PARD6G: variants seen among roughly 807,000 people sequenced by gnomAD.
PARD6G encodes par-6 family cell polarity regulator gamma.
A neutral mutation model predicts 10.7 loss-of-function variants in PARD6G; 7 were observed. The observed-to-expected ratio is 0.66, with a 90% CI of 0.37 to 1.23. The LOEUF (loss-of-function observed/expected upper bound fraction) is 1.23, where lower values mean the gene tolerates loss of function less well. PARD6G is among the 50% of genes most tolerant of loss of function. The pLI is 0.02. For synonymous variants in PARD6G, 287 were observed against 269.4 expected (o/e 1.07, Z -0.64); for missense variants, 548 against 571.8 (o/e 0.96, Z 0.42).
In PARD6G at chr18:80,202,821, T is replaced by C. The variant is rs757055161; in HGVS notation, c.184A>G (p.Ile62Val). 9 of 1,613,546 alleles carry C rather than the reference T, an allele frequency of 5.6e-6. No individual in the cohort carries two copies. Among genetic ancestry groups the C allele is most frequent in the Non-Finnish European group, 7.6e-6 (9 of 1,179,710 alleles). ...TCTCCGTGCACATCTGCATAGCCAA[T>C]AGTTACATCACTGTTGGAGATATGG... ...THHISNSDVT[I>V]GYADVHGDLL... Residue 62 changes from isoleucine (I) to valine (V), a missense_variant, in exon 2 of 3, where the codon ATT (isoleucine) becomes GTT (valine). By Grantham distance (29) the Ile-to-Val change is conservative (BLOSUM62 3). Around this residue, in one of 2 missense-constraint regions of PARD6G, gnomAD observed 235 missense variants for 291.9 expected, o/e 0.81. Transcript: ENST00000353265.
chr18:80,207,068 TCAATAAATACTTAACA>T (rs1967061879), intron 1 of PARD6G, among the ~76,000 whole-genome samples: 1 of 137,686 alleles, frequency 7.3e-6, no homozygotes, highest in Non-Finnish European at 1.6e-5. Flanking sequence ...CTAGTGATTA[TCAATAAATACTTAACA>T]GTAAATGAAA....
At chr18:80,165,019 C>G (rs1347671222) in intron 2 of PARD6G, among the ~76,000 whole-genome samples, 1 of 152,220 alleles carries the variant, frequency 6.6e-6, no homozygotes, top group East Asian at 1.9e-4. Context: ...TGATAAGGGT[C>G]TATGTTCAGC....
intron 1 of PARD6G, among the ~76,000 whole-genome samples, chr18:80,222,266 T>A (rs1332217691): frequency 6.6e-6 from 1 of 151,984 alleles, no homozygotes; most frequent in Non-Finnish European, 1.5e-5. Flanking sequence ...TTTTTTTAAT[T>A]TTGTAGAGAT....
chr18:80,157,530 G>A lies in PARD6G; in HGVS notation c.*2241C>T, dbSNP rs2145234528. On this transcript the variant is annotated 3_prime_UTR_variant, in exon 3 of 3. Transcript: ENST00000353265. ...TGATAGCCGACCCAGTTATATAACA[G>A]ACATTCAAGAATCAGCAATAACTTA... 7.0e-6 allele frequency: 1 copy of A among 142,844 alleles called. No homozygotes were observed. Among genetic ancestry groups the A allele is most frequent in the African/African-American group, 2.5e-5 (1 of 40,432 alleles). The allele number at this position is 142,844 out of a possible 1,614,324, so 8.8% of individuals were successfully genotyped here. A position where few individuals can be genotyped will look rare whatever the true frequency, so the allele number is the denominator to read the frequency against.
At chr18:80,242,616 G>A (rs1368033969) in intron 1 of PARD6G, among the ~76,000 whole-genome samples, 1 of 152,178 alleles carries the variant, frequency 6.6e-6, no homozygotes, top group African/African-American at 2.4e-5. Context: ...AATGCCTGGG[G>A]GCAAGGTCAC....
rs1190961957 is a variant in PARD6G at position 80,247,213 on chromosome 18, G to A, written c.72+64C>T. ...CCACGCCGCCCCAGTCCCCCTCCGCGGGGCGCCCCATTCATTAGCCAGGAG... is the reference window on the plus strand; with the variant it reads ...CCACGCCGCCCCAGTCCCCCTCCGCAGGGCGCCCCATTCATTAGCCAGGAG... On this transcript the variant is annotated intron_variant, in intron 1 of 2. Transcript: ENST00000353265. This position sits in a 1 kb window ranked among gnomAD's most constrained non-coding sequence, Gnocchi z 4.2. 5.9e-6 allele frequency: 8 copies of A among 1,355,976 alleles called. No homozygotes were observed. The highest frequency in any genetic ancestry group is 2.8e-5 in the East Asian group (1 of 35,188). The allele number at this position is 1,355,976 out of a possible 1,614,324, so 84.0% of individuals were successfully genotyped here. A position where few individuals can be genotyped will look rare whatever the true frequency, so the allele number is the denominator to read the frequency against.
At position 80,228,231 on chromosome 18, in the gene PARD6G, G is replaced by A. The variant is rs7236181; in HGVS notation, c.72+19046C>T. On this transcript the variant is annotated intron_variant, in intron 1 of 2. Transcript: ENST00000353265. The surrounding 1 kb of genome is among the most constrained non-coding windows in gnomAD (Gnocchi z 4.6). ...GCTCAGGAAGTCACATCCCACGGGG[G>A]AGACGGCAGCGAGCAGAGAGACCCC... is the stretch of plus-strand genomic sequence containing the variant. Among the ~76,000 whole-genome samples, 25,977 of 152,032 alleles carry A rather than the reference G, an allele frequency of 0.17. 2,809 individuals carry two copies. Among genetic ancestry groups the A allele is most frequent in the East Asian group, 0.42 (2,139 of 5,134 alleles).
intron 2 of PARD6G, among the ~76,000 whole-genome samples, chr18:80,174,680 T>C (rs369147732): frequency 1.8e-4 from 28 of 151,554 alleles, no homozygotes; most frequent in African/African-American, 4.6e-4. Context: ...GTAGGCTGGG[T>C]GCGGTGGCTC....
intron 1 of PARD6G, among the ~76,000 whole-genome samples, chr18:80,213,940 C>T (rs977333688): frequency 4.1e-4 from 39 of 95,914 alleles, no homozygotes; most frequent in Non-Finnish European, 6.0e-4. Flanking sequence ...GAGTGAGACT[C>T]CATCTCAAAA....
Position 80,158,121 on chromosome 18 carries a change from A to C in PARD6G, c.*1650T>G, listed in dbSNP as rs916215018. ...AAATAGGAATTTTTAAAATTACTAA[A>C]TATATAAACGTTGCTGGAAGATCAA... On this transcript the variant is annotated 3_prime_UTR_variant, in exon 3 of 3. Coordinates refer to ENST00000353265, the MANE Select transcript of PARD6G (RefSeq NM_032510.4). 1 of 152,242 alleles carries C rather than the reference A, an allele frequency of 6.6e-6. No homozygotes were observed. Among genetic ancestry groups the C allele is most frequent in the Non-Finnish European group, 1.5e-5 (1 of 68,040 alleles). 9.4% of individuals were successfully genotyped at this position (152,242 alleles called of 1,614,324 possible). A position where few individuals can be genotyped will look rare whatever the true frequency, so the allele number is the denominator to read the frequency against.
intron 1 of PARD6G, among the ~76,000 whole-genome samples, chr18:80,232,129 G>T (rs886298163): frequency 1.1e-4 from 16 of 152,276 alleles, no homozygotes; most frequent in African/African-American, 3.6e-4. Flanking sequence ...AGTGTGACCA[G>T]AGCCAGCAGC....
At chr18:80,177,171 A>G in intron 2 of PARD6G, among the ~76,000 whole-genome samples, 2 of 4,524 alleles carry the variant, frequency 4.4e-4, no homozygotes, top group East Asian at 1.6e-3. Flanking sequence ...AATGGGAAAC[A>G]CACATACACA....
At chr18:80,191,867 C>T (rs989704357) in intron 2 of PARD6G, among the ~76,000 whole-genome samples, 3 of 152,094 alleles carry the variant, frequency 2.0e-5, no homozygotes, top group Non-Finnish European at 4.4e-5. Flanking sequence ...TAGATGTATA[C>T]GTGTGATAAT....
chr18:80,160,657 GCC>G, intron 2 of PARD6G, 51 bp from the exon 3 acceptor site: 1 of 1,427,538 alleles, frequency 7.0e-7, no homozygotes, highest in Non-Finnish European at 9.1e-7. Flanking sequence ...CCCCGCCTGA[GCC>G]CTCGGCCGTC....
chr18:80,184,509 G>C lies in PARD6G; in HGVS notation c.295+18201C>G, dbSNP rs2052863481. ...AGCAAGGCGGTGAAACCCGCAGAGG[G>C]AGCAAGGCCGTGAAACCCGCAGCGG... On this transcript the variant is annotated intron_variant, in intron 2 of 2. Coordinates refer to ENST00000353265, the MANE Select transcript of PARD6G (RefSeq NM_032510.4). This position sits in a 1 kb window ranked among gnomAD's most constrained non-coding sequence, Gnocchi z 4.5. 6.6e-6 allele frequency: 1 copy of C among 151,580 alleles called. No individual in the cohort carries two copies. The highest frequency in any genetic ancestry group is 6.6e-5 in the Admixed American group (1 of 15,178). The allele number at this position is 151,580 out of a possible 1,614,324, so 9.4% of individuals were successfully genotyped here.
chr18:80,190,894 G>A (rs1455730090), intron 2 of PARD6G, among the ~76,000 whole-genome samples: 5 of 152,132 alleles, frequency 3.3e-5, no homozygotes, highest in African/African-American at 1.2e-4. Flanking sequence ...AACAGATCCA[G>A]AACCTATTTG....
At chr18:80,208,492 A>C (rs1347845100) in intron 1 of PARD6G, among the ~76,000 whole-genome samples, 2 of 152,180 alleles carry the variant, frequency 1.3e-5, no homozygotes, top group Non-Finnish European at 2.9e-5. Flanking sequence ...GGCTGCTTCA[A>C]CATCTGCTGG....
intron 1 of PARD6G, among the ~76,000 whole-genome samples, chr18:80,212,073 C>A (rs1176069563): frequency 1.3e-5 from 2 of 152,168 alleles, no homozygotes; most frequent in African/African-American, 4.8e-5. Flanking sequence ...CGATTCCCAG[C>A]CAGGGCCACA....
chr18:80,197,626 GC>G (rs1320624532), intron 2 of PARD6G: 3 of 152,176 alleles, frequency 2.0e-5, no homozygotes, highest in African/African-American at 7.2e-5. Flanking sequence ...CAAGTCCTGG[GC>G]TGTGCCTGGA....
Sources: allele counts gnomAD v4.1 joint callset (sites outside exome capture counted in the v4.1 genomes callset), GRCh38; gene constraint gnomAD v4.1.1; regional missense constraint gnomAD v4.1.1; non-coding constraint Gnocchi (gnomAD v3.1); transcripts MANE v1.5; gene names NCBI Gene and HGNC (gene_info 2026-07-23, HGNC 2026-07-21).